Variants in NAALADL2 observed in about 807,000 individuals in gnomAD.
NAALADL2 encodes the protein N-acetylated alpha-linked acidic dipeptidase like 2.
Under a neutral mutation model 87.2 loss-of-function variants are expected in NAALADL2, and 76 were observed. The ratio of observed to expected loss-of-function variants is 0.87; its 90% CI spans 0.72 to 1.05. The LOEUF (loss-of-function observed/expected upper bound fraction) is 1.05, where lower values mean the gene tolerates loss of function less well. Ranked by LOEUF, NAALADL2 falls within the 50% of genes least tolerant of loss-of-function variation. NAALADL2 has a pLI of 0.00. For synonymous variants in NAALADL2, 354 were observed against 331.0 expected, an observed-to-expected ratio of 1.07 and a Z score of -0.75; for missense variants, 1,089 against 945.8, an observed-to-expected ratio of 1.15 and a Z score of -1.99.
rs548347706 is a variant in NAALADL2, at chr3:174,738,273, C to T, written c.-9+527C>T. Reference sequence around the variant, plus strand: ...ACATTATGGCTTAATACGTATAAAACTTTAGATGATGTGGATAATGGAAAG... The same window carrying T: ...ACATTATGGCTTAATACGTATAAAATTTTAGATGATGTGGATAATGGAAAG... On this transcript the variant is annotated intron_variant, in intron 3 of 3. Transcript: ENST00000434257. Among the ~76,000 whole-genome samples, 16 of 152,228 alleles carry T rather than the reference C, an allele frequency of 1.1e-4. No homozygotes were observed. The South Asian group carries it at 2.9e-3, about 28-fold the overall frequency.
intron 1 of NAALADL2, among the ~76,000 whole-genome samples, chr3:174,520,268 G>A (rs1200660524): frequency 6.6e-6 from 1 of 152,128 alleles, no homozygotes; most frequent in African/African-American, 2.4e-5. Flanking sequence ...GCAGTCCTAA[G>A]CAAAAGGAAC....
intron 2 of NAALADL2, among the ~76,000 whole-genome samples, chr3:174,601,125 T>A (rs1718417689): frequency 6.6e-6 from 1 of 152,182 alleles, no homozygotes; most frequent in South Asian, 2.1e-4. Context: ...CTCTTCAATA[T>A]ACTGATTTTC....
At chr3:174,924,305 T>C (rs1735664063) in intron 1 of NAALADL2, among the ~76,000 whole-genome samples, 1 of 146,170 alleles carries the variant, frequency 6.8e-6, no homozygotes, top group Admixed American at 7.2e-5. Flanking sequence ...AGTGAGAACA[T>C]GTGGTGTTTG....
At chr3:174,996,772 T>C (rs1489566423) in intron 1 of NAALADL2, among the ~76,000 whole-genome samples, 1 of 152,050 alleles carries the variant, frequency 6.6e-6, no homozygotes, top group African/African-American at 2.4e-5. Flanking sequence ...TATGTAGTCT[T>C]TATCCCTCAA....
At chr3:174,457,919 A>G (rs1340725181) in intron 1 of NAALADL2, among the ~76,000 whole-genome samples, 3 of 152,182 alleles carry the variant, frequency 2.0e-5, no homozygotes, top group Admixed American at 6.5e-5. Flanking sequence ...GTTCTCACTT[A>G]TAAGTGGGAG....
intron 4 of NAALADL2, among the ~76,000 whole-genome samples, chr3:175,315,505 G>T (rs1560343898): frequency 6.6e-6 from 1 of 151,980 alleles, no homozygotes; most frequent in Non-Finnish European, 1.5e-5. Context: ...TCTCTCCTGG[G>T]AATAAAACAC....
intron 5 of NAALADL2, among the ~76,000 whole-genome samples, chr3:175,364,314 TA>T (rs1275811657): frequency 6.8e-6 from 1 of 147,830 alleles, no homozygotes; most frequent in Non-Finnish European, 1.5e-5. Flanking sequence ...AGTTCCACTT[TA>T]AGACCATCAG....
At chr3:174,533,073 C>G (rs1054819997) in intron 1 of NAALADL2, among the ~76,000 whole-genome samples, 1 of 138,000 alleles carries the variant, frequency 7.2e-6, no homozygotes, top group Non-Finnish European at 1.5e-5. Context: ...CTTACCCTTT[C>G]CTCTCCACTT....
intron 5 of NAALADL2, among the ~76,000 whole-genome samples, chr3:175,344,626 G>A (rs1300433088): frequency 3.3e-5 from 5 of 151,704 alleles, no homozygotes; most frequent in Non-Finnish European, 7.4e-5. Flanking sequence ...ATGGACTATT[G>A]ACACGTAAGA....
At chr3:175,461,753 A>G (rs1723167052) in intron 6 of NAALADL2, among the ~76,000 whole-genome samples, 1 of 152,212 alleles carries the variant, frequency 6.6e-6, no homozygotes, top group Non-Finnish European at 1.5e-5. Context: ...AGGAAAGATC[A>G]TTGAAAGGTG....
intron 2 of NAALADL2, among the ~76,000 whole-genome samples, chr3:174,657,038 C>CTT (rs1725014984): frequency 7.5e-6 from 1 of 133,200 alleles, no homozygotes; most frequent in African/African-American, 3.2e-5. Context: ...TCTTTTCCTT[C>CTT]TTCTTTTTTT....
intron 5 of NAALADL2, among the ~76,000 whole-genome samples, chr3:175,403,047 T>G (rs1711628382): frequency 6.6e-6 from 1 of 152,090 alleles, no homozygotes; most frequent in Admixed American, 6.6e-5. Context: ...TGAGCTTTAT[T>G]TTTTTGTTTG....
At chr3:175,286,188 T>C (rs915069698) in intron 4 of NAALADL2, among the ~76,000 whole-genome samples, 2 of 152,184 alleles carry the variant, frequency 1.3e-5, no homozygotes, top group Admixed American at 1.3e-4. Flanking sequence ...GGTGTAAATA[T>C]TACTCTTGAA....
At position 174,741,427 on chromosome 3, in the gene NAALADL2, G is replaced by A. The variant is rs377233315; in HGVS notation, c.-9+3681G>A. On this transcript the variant is annotated intron_variant, in intron 3 of 3. Transcript: ENST00000434257. ...ATAAAAAAGCATACAACTTAATTAG[G>A]TAAAATAAATATTTAAATGTAATAT... Among the ~76,000 whole-genome samples the A allele has an allele frequency of 2.0e-5, 3 of 151,392 alleles. No homozygotes were observed. In the East Asian group the frequency reaches 5.8e-4, roughly 29 times the overall value.
intron 2 of NAALADL2, among the ~76,000 whole-genome samples, chr3:175,224,352 C>T (rs142226679): frequency 1.7e-3 from 259 of 152,186 alleles, no homozygotes; most frequent in South Asian, 7.3e-3. Context: ...TGTCTCACAG[C>T]CCGAACCCCT....
upstream of NAALADL2, among the ~76,000 whole-genome samples, chr3:174,854,679 TAAGAATAAAATTATTTTTA>T: frequency 6.6e-6 from 1 of 152,052 alleles, no homozygotes; most frequent in African/African-American, 2.4e-5. Flanking sequence ...CCATAATAAT[TAAGAATAAAATTATTTTTA>T]AAGAATAAAA....
intron 5 of NAALADL2, among the ~76,000 whole-genome samples, chr3:175,358,476 C>G (rs370963439): frequency 1.2e-4 from 18 of 151,476 alleles, no homozygotes; most frequent in Admixed American, 7.9e-4. Flanking sequence ...AAAGAATAAT[C>G]TGTCACGGGA....
At chr3:174,640,054 C>T (rs1425605042) in intron 2 of NAALADL2, among the ~76,000 whole-genome samples, 6 of 152,142 alleles carry the variant, frequency 3.9e-5, no homozygotes, top group African/African-American at 1.4e-4. Flanking sequence ...CCAAAGTTAG[C>T]TTGTTATTTG....
At chr3:175,111,432 G>A (rs1011184311) in intron 2 of NAALADL2, among the ~76,000 whole-genome samples, 12 of 151,676 alleles carry the variant, frequency 7.9e-5, no homozygotes, top group African/African-American at 2.9e-4. Flanking sequence ...TATGTTTAGT[G>A]TTTCTGAAAT....
Sources: allele counts gnomAD v4.1 joint callset (sites outside exome capture counted in the v4.1 genomes callset), GRCh38; gene constraint gnomAD v4.1.1; transcripts MANE v1.5; gene names NCBI Gene and HGNC (gene_info 2026-07-23, HGNC 2026-07-21).